The following AP5S1 variants were observed in gnomAD, a reference collection of about 807,000 sequenced individuals.
AP5S1 encodes the protein AP-5 complex subunit sigma-1.
A neutral mutation model predicts 13.9 loss-of-function variants in AP5S1; 13 were observed. The observed-to-expected ratio is 0.94, with a 90% CI of 0.61 to 1.49. The LOEUF is 1.49. Ranked by LOEUF, AP5S1 falls within the 40% of genes most tolerant of loss-of-function variation. AP5S1 has a pLI of 0.00. For synonymous variants in AP5S1, 132 were observed against 121.8 expected (o/e 1.08, Z -0.55); for missense variants, 292 against 272.3 (o/e 1.07, Z -0.51).
chr20:3,823,374 G>A (rs1243043161), intron 2 of AP5S1, among the ~76,000 whole-genome samples: 8 of 152,050 alleles, frequency 5.3e-5, no homozygotes, highest in Admixed American at 3.3e-4. Context: ...TCAGCCTCCC[G>A]AGTAGCTGGG....
intron 1 of AP5S1, among the ~76,000 whole-genome samples, chr20:3,821,586 G>A (rs568652622): frequency 2.0e-5 from 3 of 152,038 alleles, no homozygotes; most frequent in Non-Finnish European, 4.4e-5. Context: ...AGGCTGGTCT[G>A]GAACTCCTGA....
chr20:3,825,898 C>T lies in AP5S1; in HGVS notation c.*1601C>T, dbSNP rs2089621714. 7.1e-6 allele frequency: 1 copy of T among 141,446 alleles called. No homozygotes were observed. Among genetic ancestry groups the T allele is most frequent in the Non-Finnish European group, 1.5e-5 (1 of 66,950 alleles). 8.8% of individuals were successfully genotyped at this position (141,446 alleles called of 1,614,324 possible). A position where few individuals can be genotyped will look rare whatever the true frequency, so the allele number is the denominator to read the frequency against. ...GTCCCAAAGGGATATGGGTGGGGTA[C>T]CAAAAGTCGGTGGTTAGGAGGTCTT... On this transcript the variant is annotated 3_prime_UTR_variant, in exon 3 of 3. Coordinates refer to ENST00000615891, the MANE Select transcript of AP5S1 (RefSeq NM_018347.3).
rs1344680742 is a variant in AP5S1 at position 3,825,542 on chromosome 20, G to C, written c.*1245G>C. ...GGTGGCAGGTGGCTGTGGCAGAGCCGTCTGAGAAGCAGTGCTTGGGCTGAG... is the reference window on the plus strand; with the variant it reads ...GGTGGCAGGTGGCTGTGGCAGAGCCCTCTGAGAAGCAGTGCTTGGGCTGAG... On this transcript the variant is annotated 3_prime_UTR_variant, in exon 3 of 3. Coordinates refer to ENST00000615891, the MANE Select transcript of AP5S1 (RefSeq NM_018347.3). 1 of 152,442 alleles carries C rather than the reference G, an allele frequency of 6.6e-6. No homozygotes were observed. Among genetic ancestry groups the C allele is most frequent in the South Asian group, 2.1e-4 (1 of 4,836 alleles). 9.4% of individuals were successfully genotyped at this position (152,442 alleles called of 1,614,324 possible).
Position 3,822,199 on chromosome 20 carries a change from G to GTC in AP5S1, c.84_85dup (p.Phe29SerfsTer28), listed in dbSNP as rs1303453059. On this transcript the variant is annotated frameshift_variant, in exon 2 of 3. Transcript: ENST00000615891. LOFTEE classifies it high-confidence loss of function. ...CCTTTGCCGAGTGCTGTACTCCTGC[G>GTC]TCTTCGGTGCTGAGAAGTCACCTGA... The GTC allele has an allele frequency of 1.2e-6, 2 of 1,614,038 alleles. No individual in the cohort carries two copies. The highest frequency in any genetic ancestry group is 8.5e-7 in the Non-Finnish European group (1 of 1,180,038).
chr20:3,824,240 C>T lies in AP5S1; in HGVS notation c.546C>T (p.Leu182=). The T allele has an allele frequency of 6.2e-7, 1 of 1,614,206 alleles. No homozygotes were observed. Among genetic ancestry groups the T allele is most frequent in the South Asian group, 1.1e-5 (1 of 91,088 alleles). Reference sequence around the variant, plus strand: ...TGCCACATGGTCAGCTGCTTTTCCTCAACGACCAGTTTGTCCAAGGCCTGG... The same window carrying T: ...TGCCACATGGTCAGCTGCTTTTCCTTAACGACCAGTTTGTCCAAGGCCTGG... ...RFLPHGQLLF[L]NDQFVQGLEK... is the part of the protein sequence containing the mutation. Residue 182 remains leucine (L), a synonymous_variant, in exon 3 of 3, where the codon CTC becomes CTT. Coordinates refer to ENST00000615891, the MANE Select transcript of AP5S1 (RefSeq NM_018347.3).
In AP5S1 at chr20:3,823,925, G is replaced by T. The variant is rs138798757; in HGVS notation, c.231G>T (p.Met77Ile). ...AGCAGGCATCTGGCCGGCCCCCCAT[G>T]GACCTGCAGCCGCAATCCTCAGATG... ...LQQQASGRPP[M>I]DLQPQSSDEQ... Residue 77 changes from methionine to isoleucine, a missense_variant, in exon 3 of 3, where the codon ATG becomes ATT. Met to Ile is a conservative substitution (Grantham distance 10, BLOSUM62 1). Coordinates refer to ENST00000615891, the MANE Select transcript of AP5S1 (RefSeq NM_018347.3). The T allele has an allele frequency of 1.4e-4, 221 of 1,604,914 alleles. 1 individual carries two copies. In the African/African-American group the frequency reaches 2.3e-3, roughly 17 times the overall value.
rs79250797 is a variant in AP5S1 at position 3,822,405 on chromosome 20, G to T, written c.176+112G>T. 5,132 of 1,024,374 alleles carry T rather than the reference G, an allele frequency of 5.0e-3. 161 individuals carry two copies. The African/African-American group carries it at 0.07, about 14-fold the overall frequency. The allele number at this position is 1,024,374 out of a possible 1,614,324, so 63.5% of individuals were successfully genotyped here. A position where few individuals can be genotyped will look rare whatever the true frequency, so the allele number is the denominator to read the frequency against. On this transcript the variant is annotated intron_variant, in intron 2 of 2. Transcript: ENST00000615891. Reference sequence around the variant, plus strand: ...AGGAGGACTAAGAAGCAGAGAGGAAGTTTTAGAGTAGCATTTCCCAGAGAG... The same window carrying T: ...AGGAGGACTAAGAAGCAGAGAGGAATTTTTAGAGTAGCATTTCCCAGAGAG...
rs1471789036 is a variant in AP5S1 at position 3,825,381 on chromosome 20, C to CT, written c.*1085dup. 7.2e-6 allele frequency: 1 copy of CT among 138,946 alleles called. No individual in the cohort carries two copies. Among genetic ancestry groups the CT allele is most frequent in the Non-Finnish European group, 1.5e-5 (1 of 67,972 alleles). 8.6% of individuals were successfully genotyped at this position (138,946 alleles called of 1,614,324 possible). A position where few individuals can be genotyped will look rare whatever the true frequency, so the allele number is the denominator to read the frequency against. On this transcript the variant is annotated 3_prime_UTR_variant, in exon 3 of 3. Coordinates refer to ENST00000615891, the MANE Select transcript of AP5S1 (RefSeq NM_018347.3). ...TCTGGATGGCCCCAAAGCTGCGTGTCTGAGCTTTCGTGGTCAAGGATCCCC... is the reference window on the plus strand; with the variant it reads ...TCTGGATGGCCCCAAAGCTGCGTGTCTTGAGCTTTCGTGGTCAAGGATCCCC...
At position 3,828,694 on chromosome 20, in the gene AP5S1, G is replaced by A. The variant is rs2089637745; in HGVS notation, c.*4397G>A. 1 of 152,212 alleles carries A rather than the reference G, an allele frequency of 6.6e-6. No individual in the cohort carries two copies. The allele number at this position is 152,212 out of a possible 1,614,324, so 9.4% of individuals were successfully genotyped here. On this transcript the variant is annotated 3_prime_UTR_variant, in exon 3 of 3. Coordinates refer to ENST00000615891, the MANE Select transcript of AP5S1 (RefSeq NM_018347.3). ...TTAAGATTCCTTCAAGTCTTTTCAT[G>A]GCTGAATCATGAGCTTGACAGCTCA...
Position 3,827,612 on chromosome 20 carries a change from C to G in AP5S1, c.*3315C>G, listed in dbSNP as rs1220715167. The G allele has an allele frequency of 3.3e-5, 5 of 152,106 alleles. No homozygotes were observed. Among genetic ancestry groups the G allele is most frequent in the African/African-American group, 4.8e-5 (2 of 41,412 alleles). 9.4% of individuals were successfully genotyped at this position (152,106 alleles called of 1,614,324 possible). A position where few individuals can be genotyped will look rare whatever the true frequency, so the allele number is the denominator to read the frequency against. On this transcript the variant is annotated 3_prime_UTR_variant, in exon 3 of 3. Coordinates refer to ENST00000615891, the MANE Select transcript of AP5S1 (RefSeq NM_018347.3). ...GGAACTGGCCTGCATGTATGTGGGT[C>G]ACTGATTGGGTCACATACACTGCAT...
In AP5S1 at chr20:3,824,445, C is replaced by CAG; in HGVS notation, c.*151_*152dup. On this transcript the variant is annotated 3_prime_UTR_variant, in exon 3 of 3. Coordinates refer to ENST00000615891, the MANE Select transcript of AP5S1 (RefSeq NM_018347.3). ...ACAAGCCTGCAGAAAGGGGGCTGGG[C>CAG]AGAGGGTGGAGGAGGTCCTGCCTGT... 1.2e-6 allele frequency: 1 copy of CAG among 828,944 alleles called. No individual in the cohort carries two copies. The highest frequency in any genetic ancestry group is 1.8e-6 in the Non-Finnish European group (1 of 541,128). The allele number at this position is 828,944 out of a possible 1,614,324, so 51.3% of individuals were successfully genotyped here.
Position 3,822,645 on chromosome 20 carries a change from TAG to T in AP5S1, c.176+355_176+356del, listed in dbSNP as rs1329058714. ...CCTTATAGATGAGTAAACTGAGGTA[TAG>T]AGTGTTTGAGGAATTTAACCTGTCC... On this transcript the variant is annotated intron_variant, in intron 2 of 2. Coordinates refer to ENST00000615891, the MANE Select transcript of AP5S1 (RefSeq NM_018347.3). 3.3e-5 allele frequency among the ~76,000 whole-genome samples: 5 copies of T among 152,262 alleles called. No homozygotes were observed. The South Asian group carries it at 8.3e-4, about 25-fold the overall frequency.
rs560711977 is a variant in AP5S1 at position 3,826,383 on chromosome 20, C to G, written c.*2086C>G. On this transcript the variant is annotated 3_prime_UTR_variant, in exon 3 of 3. Transcript: ENST00000615891. Reference sequence around the variant, plus strand: ...ACCCCTTCCCTATACATTCTGTTCTCCTGGCCCACCCCTCACCCCAGGCTG... The same window carrying G: ...ACCCCTTCCCTATACATTCTGTTCTGCTGGCCCACCCCTCACCCCAGGCTG... The G allele has an allele frequency of 1.3e-5, 2 of 152,436 alleles. No homozygotes were observed. The highest frequency in any genetic ancestry group is 3.9e-4 in the East Asian group (2 of 5,188). 9.4% of individuals were successfully genotyped at this position (152,436 alleles called of 1,614,324 possible).
chr20:3,823,521 G>T lies in AP5S1; in HGVS notation c.177-350G>T, dbSNP rs375884766. Reference sequence around the variant, plus strand: ...CCGCCTCGGCCTCCCAAAGTGCTGGGATTACAGGCTTGAGCCACCGCGCCT... The same window carrying T: ...CCGCCTCGGCCTCCCAAAGTGCTGGTATTACAGGCTTGAGCCACCGCGCCT... On this transcript the variant is annotated intron_variant, in intron 2 of 2. Coordinates refer to ENST00000615891, the MANE Select transcript of AP5S1 (RefSeq NM_018347.3). 16 of 985,024 alleles carry T rather than the reference G, an allele frequency of 1.6e-5. No individual in the cohort carries two copies. The East Asian group carries it at 3.4e-4, about 21-fold the overall frequency. 61.0% of individuals were successfully genotyped at this position (985,024 alleles called of 1,614,324 possible). A position where few individuals can be genotyped will look rare whatever the true frequency, so the allele number is the denominator to read the frequency against.
At position 3,825,396 on chromosome 20, in the gene AP5S1, C is replaced by G. The variant is rs2089618818; in HGVS notation, c.*1099C>G. The G allele has an allele frequency of 6.6e-6, 1 of 152,170 alleles. No individual in the cohort carries two copies. The highest frequency in any genetic ancestry group is 2.1e-4 in the South Asian group (1 of 4,824). The allele number at this position is 152,170 out of a possible 1,614,324, so 9.4% of individuals were successfully genotyped here. A position where few individuals can be genotyped will look rare whatever the true frequency, so the allele number is the denominator to read the frequency against. On this transcript the variant is annotated 3_prime_UTR_variant, in exon 3 of 3. Coordinates refer to ENST00000615891, the MANE Select transcript of AP5S1 (RefSeq NM_018347.3). ...AGCTGCGTGTCTGAGCTTTCGTGGTCAAGGATCCCCCTAGGAGGCTTCTTG... is the reference window on the plus strand; with the variant it reads ...AGCTGCGTGTCTGAGCTTTCGTGGTGAAGGATCCCCCTAGGAGGCTTCTTG...
rs759237285 is a variant in AP5S1, at chr20:3,822,233, G to C, written c.116G>C (p.Arg39Pro). 1.9e-6 allele frequency: 3 copies of C among 1,614,174 alleles called. No homozygotes were observed. In the East Asian group the frequency reaches 6.7e-5, roughly 36 times the overall value. The change falls in exon 2 of 3, where the codon CGG becomes CCG. Residue 39 changes from arginine (R) to proline (P), a missense_variant. Arg to Pro is a moderately radical substitution (Grantham distance 103, BLOSUM62 -2). Transcript: ENST00000615891. ...FGAEKSPDDPRPHGAERDRLL... is the reference protein window; with the variant it reads ...FGAEKSPDDPPPHGAERDRLL... ...GCTGAGAAGTCACCTGATGACCCAC[G>C]GCCGCATGGTGCCGAGAGGGACAGG...
rs1022258192 is a variant in AP5S1, at chr20:3,828,019, C to T, written c.*3722C>T. The T allele has an allele frequency of 1.3e-5, 2 of 152,176 alleles. No individual in the cohort carries two copies. Among genetic ancestry groups the T allele is most frequent in the Admixed American group, 6.6e-5 (1 of 15,262 alleles). The allele number at this position is 152,176 out of a possible 1,614,324, so 9.4% of individuals were successfully genotyped here. A position where few individuals can be genotyped will look rare whatever the true frequency, so the allele number is the denominator to read the frequency against. ...TCAGGTGATCCACCCATATTGGCCT[C>T]CCAAAGTGCTGAGATTACAGGTGTG... is the stretch of plus-strand genomic sequence containing the variant. On this transcript the variant is annotated 3_prime_UTR_variant, in exon 3 of 3. Coordinates refer to ENST00000615891, the MANE Select transcript of AP5S1 (RefSeq NM_018347.3).
rs201821447 is a variant in AP5S1 at position 3,822,324 on chromosome 20, T to C, written c.176+31T>C. On this transcript the variant is annotated intron_variant, in intron 2 of 2. Coordinates refer to ENST00000615891, the MANE Select transcript of AP5S1 (RefSeq NM_018347.3). ...CACACAGCCCAGCCCCAGGCCTTCA[T>C]TGAACACGTACCTGATTGTAATAGG... 459 of 1,603,618 alleles carry C rather than the reference T, an allele frequency of 2.9e-4. 1 individual carries two copies. In the African/African-American group the frequency reaches 5.5e-3, roughly 19 times the overall value.
chr20:3,821,895 G>C, intron 1 of AP5S1: 1 of 702,000 alleles, frequency 1.4e-6, no homozygotes. Context: ...TTTTTTTTTA[G>C]TTTATGCCTA....
Sources: allele counts gnomAD v4.1 joint callset (sites outside exome capture counted in the v4.1 genomes callset), GRCh38; gene constraint gnomAD v4.1.1; transcripts MANE v1.5; gene names NCBI Gene and HGNC (gene_info 2026-07-23, HGNC 2026-07-21).